MYO9A: variants seen among roughly 807,000 people sequenced by gnomAD.
The protein encoded by MYO9A is myosin IXA.
A neutral mutation model predicts 293.3 loss-of-function variants in MYO9A; 103 were observed. The ratio of observed to expected loss-of-function variants is 0.35; its 90% confidence interval spans 0.30 to 0.41. The LOEUF is 0.41. MYO9A is among the 10% of genes least tolerant of loss of function. The probability of loss-of-function intolerance (pLI) is 1.00; values close to 1 mark genes in which losing one functional copy is unlikely to be tolerated. For missense variants in MYO9A, 2,685 were observed against 3,033.0 expected (o/e 0.89, Z 2.69); for synonymous variants, 1,001 against 1,035.7 (o/e 0.97, Z 0.64).
At chr15:71,837,965 A>AT (rs1453444535) in intron 39 of MYO9A, among the ~76,000 whole-genome samples, 1 of 151,896 alleles carries the variant, frequency 6.6e-6, no homozygotes, top group Non-Finnish European at 1.5e-5. Flanking sequence ...TCAAACTGGA[A>AT]TTTTTTCTTT....
intron 2 of MYO9A, among the ~76,000 whole-genome samples, chr15:72,034,047 A>G (rs927607500): frequency 6.6e-6 from 1 of 152,234 alleles, no homozygotes; most frequent in South Asian, 2.1e-4. Context: ...TGTGCAGAGC[A>G]TATATACACG....
In MYO9A at chr15:72,027,726, C is replaced by T. The variant is rs759039422; in HGVS notation, c.998+5G>A. 5 of 1,596,166 alleles carry T rather than the reference C, an allele frequency of 3.1e-6. No homozygotes were observed. Among genetic ancestry groups the T allele is most frequent in the Admixed American group, 3.5e-5 (2 of 56,822 alleles). ...TCATCTAATTACACAAATAAAAATACGTACCGTTCATTATGCTCCTGATAA... is the reference window on the plus strand; with the variant it reads ...TCATCTAATTACACAAATAAAAATATGTACCGTTCATTATGCTCCTGATAA... On this transcript the variant is annotated splice_donor_5th_base_variant and intron_variant, in intron 4 of 41. Coordinates refer to ENST00000356056, the MANE Select transcript of MYO9A (RefSeq NM_006901.4).
At chr15:71,998,628 G>A (rs1310139434) in intron 9 of MYO9A, among the ~76,000 whole-genome samples, 1 of 140,128 alleles carries the variant, frequency 7.1e-6, no homozygotes, top group Non-Finnish European at 1.5e-5. Context: ...TGCACAATGT[G>A]CAGGTTAGTT....
At chr15:71,827,762 A>C (rs1476491170) in intron 41 of MYO9A, 122 bp downstream of exon 41, 1 of 1,155,204 alleles carries the variant, frequency 8.7e-7, no homozygotes, top group African/African-American at 1.6e-5. Context: ...AAAATTCCTC[A>C]AGACTTTGTT....
intron 18 of MYO9A, among the ~76,000 whole-genome samples, chr15:71,924,538 G>A (rs2058241187): frequency 1.3e-5 from 2 of 151,838 alleles, no homozygotes; most frequent in African/African-American, 2.4e-5. Context: ...CAAGGCCCCC[G>A]GCTCCCAATT....
intron 6 of MYO9A, among the ~76,000 whole-genome samples, chr15:72,015,991 G>C (rs577108026): frequency 6.6e-6 from 1 of 151,904 alleles, no homozygotes; most frequent in Non-Finnish European, 1.5e-5. Context: ...CCCAGCCTCA[G>C]ATCAGCTTTA....
At chr15:71,961,579 A>G (rs1018642537) in intron 13 of MYO9A, among the ~76,000 whole-genome samples, 6 of 152,202 alleles carry the variant, frequency 3.9e-5, no homozygotes, top group African/African-American at 1.4e-4. Context: ...AGATGAGAAA[A>G]CTGAATCAGA....
intron 1 of MYO9A, among the ~76,000 whole-genome samples, chr15:72,060,555 A>T (rs1217786913): frequency 1.3e-5 from 2 of 152,140 alleles, no homozygotes; most frequent in Non-Finnish European, 1.5e-5. Context: ...AGATTGTGGG[A>T]CTTTGCATTG....
chr15:71,895,236 A>T (rs904896894), intron 25 of MYO9A, among the ~76,000 whole-genome samples: 2 of 152,336 alleles, frequency 1.3e-5, no homozygotes, highest in Middle Eastern at 3.4e-3. Flanking sequence ...AGTTGAGCCT[A>T]TTGGACCTTC....
chr15:72,062,722 A>G (rs767642569), intron 1 of MYO9A, among the ~76,000 whole-genome samples: 2 of 152,238 alleles, frequency 1.3e-5, no homozygotes, highest in Non-Finnish European at 2.9e-5. Context: ...CAAAAGGGCA[A>G]ATCTAAGAGT....
At chr15:71,933,237 AC>A (rs2058530084) in intron 18 of MYO9A, among the ~76,000 whole-genome samples, 1 of 152,174 alleles carries the variant, frequency 6.6e-6, no homozygotes, top group Non-Finnish European at 1.5e-5. Flanking sequence ...TATATCAGAA[AC>A]CATAAGCCTG....
chr15:71,931,220 G>A (rs1369766077), intron 18 of MYO9A, among the ~76,000 whole-genome samples: 1 of 152,156 alleles, frequency 6.6e-6, no homozygotes, highest in Non-Finnish European at 1.5e-5. Flanking sequence ...TTAGCTTGAA[G>A]AACTTTCTTT....
chr15:71,922,032 C>T (rs1424850070), intron 18 of MYO9A, among the ~76,000 whole-genome samples: 2 of 152,108 alleles, frequency 1.3e-5, no homozygotes, highest in African/African-American at 4.8e-5. Flanking sequence ...AGCTGGAGTG[C>T]AGTGGCGCGA....
chr15:71,978,520 G>A (rs1019104424), intron 11 of MYO9A, among the ~76,000 whole-genome samples: 1 of 152,066 alleles, frequency 6.6e-6, no homozygotes, highest in African/African-American at 2.4e-5. Flanking sequence ...CCAGTTCTAA[G>A]TTCATTCTAA....
At position 71,924,857 on chromosome 15, in the gene MYO9A, T is replaced by C. The variant is rs983762389; in HGVS notation, c.2563-8365A>G. The stretch of plus-strand genomic sequence containing the variant: ...ATCGCTTGAACTCGGGAGGTGGAGA[T>C]TGCAGCAAGCCGAGATCGTGTCACT... On this transcript the variant is annotated intron_variant, in intron 18 of 41. Transcript: ENST00000356056. Among the ~76,000 whole-genome samples, 6 of 151,686 alleles carry C rather than the reference T, an allele frequency of 4.0e-5. No individual in the cohort carries two copies. The East Asian group carries it at 5.8e-4, about 15-fold the overall frequency.
At chr15:72,027,854 A>G in intron 3 of MYO9A, 61 bp from the exon 4 acceptor site, 1 of 1,186,404 alleles carries the variant, frequency 8.4e-7, no homozygotes, top group Non-Finnish European at 1.2e-6. Flanking sequence ...GCAGAAAAAT[A>G]TTTGGAGACA....
At chr15:71,854,066 T>A (rs2055766563) in intron 35 of MYO9A, among the ~76,000 whole-genome samples, 4 of 152,218 alleles carry the variant, frequency 2.6e-5, no homozygotes, top group African/African-American at 9.6e-5. Context: ...CAGCAGCTCA[T>A]TATTTAATTT....
Position 71,883,753 on chromosome 15 carries a change from AG to A in MYO9A, c.5256-18del, listed in dbSNP as rs764860459. The stretch of plus-strand genomic sequence containing the variant: ...CTCTGAGGTCTGTTTAAAGAAATAA[AG>A]GTAAAAATGGAAATTAAGAGTATCT... On this transcript the variant is annotated intron_variant, in intron 27 of 41. Coordinates refer to ENST00000356056, the MANE Select transcript of MYO9A (RefSeq NM_006901.4). 1.3e-6 allele frequency: 2 copies of A among 1,593,950 alleles called. No individual in the cohort carries two copies. The highest frequency in any genetic ancestry group is 2.3e-5 in the South Asian group (2 of 87,424).
In MYO9A at chr15:71,828,104, G is replaced by T. The variant is rs927091652; in HGVS notation, c.7041-78C>A. On this transcript the variant is annotated intron_variant, in intron 40 of 41. Transcript: ENST00000356056. The stretch of plus-strand genomic sequence containing the variant: ...ATAACAGAAAAAAAGATCCTCCATG[G>T]AAGTCAGGAATCTAAGAAGCAAAGA... The T allele has an allele frequency of 6.0e-6, 9 of 1,490,094 alleles. No homozygotes were observed. In the African/African-American group the frequency reaches 9.9e-5, roughly 16 times the overall value. 92.3% of individuals were successfully genotyped at this position (1,490,094 alleles called of 1,614,324 possible).
Sources: gnomAD v4.1 joint callset for allele counts (sites outside exome capture counted in the v4.1 genomes callset) on GRCh38, gnomAD v4.1.1 for gene constraint, MANE v1.5 for transcripts, NCBI Gene and HGNC (gene_info 2026-07-23, HGNC 2026-07-21) for gene names.